NFYC: variants seen among roughly 807,000 people sequenced by gnomAD.
NFYC encodes CAAT box DNA-binding protein subunit C.
In NFYC, 25 loss-of-function variants were observed where a neutral mutation model predicts 53.1. The observed-to-expected ratio is 0.47, with a 90% CI of 0.34 to 0.66. The LOEUF (loss-of-function observed/expected upper bound fraction) is 0.66. NFYC is among the 30% of genes least tolerant of loss of function. NFYC has a pLI of 0.01. For synonymous variants in NFYC, 145 were observed against 152.6 expected, an observed-to-expected ratio of 0.95 and a Z score of 0.37; for missense variants, 260 against 422.7, an observed-to-expected ratio of 0.62 and a Z score of 3.38.
At chr1:40,757,489 G>A (rs955333619) in intron 5 of NFYC, 5 of 390,932 alleles carry the variant, frequency 1.3e-5, no homozygotes, top group East Asian at 7.5e-5. Context: ...CCTGGGTTGC[G>A]CTTCTGTGGC....
chr1:40,692,885 T>TAA (rs1642911361), intron 1 of NFYC, among the ~76,000 whole-genome samples: 1 of 152,192 alleles, frequency 6.6e-6, no homozygotes. Context: ...CAGTTATACA[T>TAA]TATTGAGTCT....
At chr1:40,751,863 T>A (rs919873019) in intron 4 of NFYC, among the ~76,000 whole-genome samples, 1 of 152,202 alleles carries the variant, frequency 6.6e-6, no homozygotes, top group African/African-American at 2.4e-5. Context: ...ATTGTAGTCA[T>A]CTTAAATGAG....
At chr1:40,741,349 C>T (rs1327501717) in intron 2 of NFYC, among the ~76,000 whole-genome samples, 4 of 152,120 alleles carry the variant, frequency 2.6e-5, no homozygotes, top group Non-Finnish European at 4.4e-5. Flanking sequence ...TATTATTTTG[C>T]CCAACTTTAG....
intron 8 of NFYC, chr1:40,767,268 G>A (rs1291422322): frequency 5.1e-6 from 2 of 392,158 alleles, no homozygotes; most frequent in Non-Finnish European, 4.8e-6. Flanking sequence ...GATGGGGGGT[G>A]CTGGTCAAGG....
intron 6 of NFYC, among the ~76,000 whole-genome samples, chr1:40,762,240 G>A (rs1464446830): frequency 6.6e-6 from 1 of 152,192 alleles, no homozygotes; most frequent in Admixed American, 6.5e-5. Flanking sequence ...AAGAGTCTGT[G>A]TCTTAACAGT....
intron 7 of NFYC, among the ~76,000 whole-genome samples, chr1:40,764,082 T>C (rs956409901): frequency 6.6e-6 from 1 of 152,386 alleles, no homozygotes; most frequent in South Asian, 2.1e-4. Flanking sequence ...TTGGCTTTTT[T>C]ATTTGTACTC....
At chr1:40,730,258 C>G (rs1033661530) in intron 1 of NFYC, among the ~76,000 whole-genome samples, 2 of 127,450 alleles carry the variant, frequency 1.6e-5, no homozygotes, top group African/African-American at 3.0e-5. Context: ...CCAAGCTGGT[C>G]TCGAACTCCT....
rs370118902 is a variant in NFYC at position 40,750,068 on chromosome 1, A to G, written c.291+382A>G. Among the ~76,000 whole-genome samples, 17 of 152,310 alleles carry G rather than the reference A, an allele frequency of 1.1e-4. No individual in the cohort carries two copies. In the East Asian group the frequency reaches 1.7e-3, roughly 16 times the overall value. On this transcript the variant is annotated intron_variant, in intron 4 of 9. Transcript: ENST00000447388. ...CTGGTTGGGAGCCTTGAGAGATTCCAGGAAGTATCATCAGTCTCACTAGCT... is the reference window on the plus strand; with the variant it reads ...CTGGTTGGGAGCCTTGAGAGATTCCGGGAAGTATCATCAGTCTCACTAGCT...
chr1:40,740,200 G>C (rs1166644608), intron 2 of NFYC, among the ~76,000 whole-genome samples: 1 of 152,166 alleles, frequency 6.6e-6, no homozygotes, highest in Non-Finnish European at 1.5e-5. Context: ...ATTCCTTCCT[G>C]ATGTAGAATT....
chr1:40,767,158 T>C, intron 8 of NFYC: 1 of 603,962 alleles, frequency 1.7e-6, no homozygotes, highest in Non-Finnish European at 3.0e-6. Context: ...TCTCCTCTCC[T>C]CTCGTGCCCT....
chr1:40,693,779 T>C (rs1200314547), intron 1 of NFYC, among the ~76,000 whole-genome samples: 1 of 152,220 alleles, frequency 6.6e-6, no homozygotes, highest in Non-Finnish European at 1.5e-5. Flanking sequence ...TAATGAAACT[T>C]CCAGATAATT....
rs757128726 is a variant in NFYC, at chr1:40,771,059, A to G, written c.*231A>G. The G allele has an allele frequency of 8.6e-6, 5 of 582,384 alleles. No individual in the cohort carries two copies. The highest frequency in any genetic ancestry group is 1.9e-5 in the African/African-American group (1 of 53,638). The allele number at this position is 582,384 out of a possible 1,614,324, so 36.1% of individuals were successfully genotyped here. A position where few individuals can be genotyped will look rare whatever the true frequency, so the allele number is the denominator to read the frequency against. On this transcript the variant is annotated 3_prime_UTR_variant, in exon 10 of 10. Coordinates refer to ENST00000447388, the MANE Select transcript of NFYC (RefSeq NM_014223.5). ...TTTTCTCTAAGGAATCAATATTTCA[A>G]TATGTTGAGTGTGTGTCCAATGCTA... is the stretch of plus-strand genomic sequence containing the variant.
intron 6 of NFYC, among the ~76,000 whole-genome samples, chr1:40,761,224 C>T (rs1380466708): frequency 1.3e-5 from 2 of 152,152 alleles, no homozygotes; most frequent in Admixed American, 6.5e-5. Flanking sequence ...TTCATCTGTG[C>T]TCCTCTCTGC....
chr1:40,758,416 G>A, intron 6 of NFYC, 122 bp downstream of exon 6: 1 of 1,135,106 alleles, frequency 8.8e-7, no homozygotes, highest in Non-Finnish European at 1.2e-6. Flanking sequence ...TTTAAAGTCT[G>A]GAAACTGGAA....
At chr1:40,711,910 C>G (rs1389704276) in intron 1 of NFYC, among the ~76,000 whole-genome samples, 4 of 152,142 alleles carry the variant, frequency 2.6e-5, no homozygotes. Context: ...GTGTTCAAGC[C>G]CCACTCACCT....
chr1:40,724,981 G>A lies in NFYC; in HGVS notation c.-8-13855G>A, dbSNP rs144939985. Among the ~76,000 whole-genome samples the A allele has an allele frequency of 5.9e-4, 90 of 152,224 alleles. 1 individual carries two copies. The highest frequency in any genetic ancestry group is 2.0e-3 in the African/African-American group (85 of 41,530). On this transcript the variant is annotated intron_variant, in intron 1 of 9. Transcript: ENST00000447388. ...TCTTAACACAGATATACCTTCAAACGTCAAACTTGGCATTAATCAGAGTTG... is the reference window on the plus strand; with the variant it reads ...TCTTAACACAGATATACCTTCAAACATCAAACTTGGCATTAATCAGAGTTG...
intron 1 of NFYC, among the ~76,000 whole-genome samples, chr1:40,694,590 A>G (rs1357492646): frequency 6.6e-6 from 1 of 152,172 alleles, no homozygotes; most frequent in East Asian, 1.9e-4. Flanking sequence ...TAGATCTATA[A>G]CTTAGTTTCG....
At chr1:40,739,192 G>C (rs1215247271) in intron 2 of NFYC, among the ~76,000 whole-genome samples, 1 of 152,166 alleles carries the variant, frequency 6.6e-6, no homozygotes, top group Non-Finnish European at 1.5e-5. Context: ...CTTTGACTTG[G>C]AGGTAGTTTA....
At chr1:40,700,972 C>T (rs1643406619) in intron 1 of NFYC, among the ~76,000 whole-genome samples, 1 of 152,184 alleles carries the variant, frequency 6.6e-6, no homozygotes, top group Non-Finnish European at 1.5e-5. Flanking sequence ...AAACATGGGG[C>T]TGGGAAAATC....
Sources: allele counts gnomAD v4.1 joint callset (sites outside exome capture counted in the v4.1 genomes callset), GRCh38; gene constraint gnomAD v4.1.1; transcripts MANE v1.5; gene names NCBI Gene and HGNC (gene_info 2026-07-23, HGNC 2026-07-21).